The following BICC1 variants were observed in gnomAD, a reference collection of about 807,000 sequenced individuals.
BICC1 encodes the protein protein bicaudal C homolog 1.
In BICC1, 43 loss-of-function variants were observed where a neutral mutation model predicts 111.0. The observed-to-expected ratio is 0.39, with a 90% CI of 0.30 to 0.50. BICC1 has a LOEUF of 0.50. BICC1 is among the 20% of genes least tolerant of loss of function. The probability of loss-of-function intolerance (pLI) is 0.88; values close to 1 mark genes in which losing one functional copy is unlikely to be tolerated. For synonymous variants in BICC1, 467 were observed against 434.4 expected (o/e 1.07, Z -0.93); for missense variants, 1,091 against 1,203.2 (o/e 0.91, Z 1.38).
At chr10:58,744,958 A>G (rs1841786839) in intron 3 of BICC1, among the ~76,000 whole-genome samples, 1 of 152,180 alleles carries the variant, frequency 6.6e-6, no homozygotes, top group Non-Finnish European at 1.5e-5. Context: ...GAGAGTTCTT[A>G]TAAGAGTGTT....
chr10:58,780,892 T>TAG (rs1195077081), intron 3 of BICC1, among the ~76,000 whole-genome samples: 1 of 152,216 alleles, frequency 6.6e-6, no homozygotes, highest in Non-Finnish European at 1.5e-5. Flanking sequence ...CGGGTGTCCT[T>TAG]ACGACAATTG....
chr10:58,522,279 C>T (rs1441297737), intron 1 of BICC1, among the ~76,000 whole-genome samples: 1 of 151,838 alleles, frequency 6.6e-6, no homozygotes, highest in Non-Finnish European at 1.5e-5. Flanking sequence ...TTTAAAAACA[C>T]ACTTTTCATT....
chr10:58,519,086 A>T (rs887140436), intron 1 of BICC1, among the ~76,000 whole-genome samples: 1 of 152,194 alleles, frequency 6.6e-6, no homozygotes, highest in Non-Finnish European at 1.5e-5. Flanking sequence ...GGGGCTAAGC[A>T]GTCCAGGCTC....
intron 1 of BICC1, among the ~76,000 whole-genome samples, chr10:58,593,115 A>G (rs1022337964): frequency 2.0e-5 from 3 of 151,940 alleles, no homozygotes; most frequent in Admixed American, 6.6e-5. Flanking sequence ...CTCACAGTGT[A>G]AAAAAAGCCA....
At chr10:58,828,730 G>A (rs1238437143) in intron 20 of BICC1, 31 bp from the exon 21 acceptor site, 7 of 1,608,032 alleles carry the variant, frequency 4.4e-6, no homozygotes, top group Non-Finnish European at 5.1e-6. Flanking sequence ...CTTCTCTTGA[G>A]CTCCTAACAA....
chr10:58,550,453 T>A (rs2131912145), intron 1 of BICC1, among the ~76,000 whole-genome samples: 1 of 152,364 alleles, frequency 6.6e-6, no homozygotes, highest in East Asian at 1.9e-4. Flanking sequence ...GTCCAATTTA[T>A]CTATCTTCTT....
chr10:58,639,308 C>T (rs1408231670), intron 2 of BICC1, among the ~76,000 whole-genome samples: 1 of 151,906 alleles, frequency 6.6e-6, no homozygotes, highest in Non-Finnish European at 1.5e-5. Flanking sequence ...TTATGTAGCA[C>T]TTTTATATTT....
rs951761719 is a variant in BICC1 at position 58,830,298 on chromosome 10, A to G, written c.*1407A>G. 2 of 152,186 alleles carry G rather than the reference A, an allele frequency of 1.3e-5. No homozygotes were observed. Among genetic ancestry groups the G allele is most frequent in the Admixed American group, 1.3e-4 (2 of 15,268 alleles). 9.4% of individuals were successfully genotyped at this position (152,186 alleles called of 1,614,324 possible). A position where few individuals can be genotyped will look rare whatever the true frequency, so the allele number is the denominator to read the frequency against. On this transcript the variant is annotated 3_prime_UTR_variant, in exon 21 of 21. Transcript: ENST00000373886. The stretch of plus-strand genomic sequence containing the variant: ...TGTTTTTAATCCATGAAGAAACACT[A>G]AAGTGCCTTTCTTTCTTCAAAGCAA...
intron 17 of BICC1, among the ~76,000 whole-genome samples, chr10:58,808,525 T>C (rs1052404080): frequency 1.2e-4 from 18 of 152,016 alleles, no homozygotes; most frequent in African/African-American, 4.1e-4. Context: ...AAGTTGAAAA[T>C]GATGTTCATT....
At chr10:58,711,534 A>G (rs1840572306) in intron 3 of BICC1, among the ~76,000 whole-genome samples, 2 of 152,190 alleles carry the variant, frequency 1.3e-5, no homozygotes, top group Non-Finnish European at 2.9e-5. Flanking sequence ...ACATCATTTT[A>G]CAGGTGAGAC....
chr10:58,530,608 C>T lies in BICC1; in HGVS notation c.190+17275C>T, dbSNP rs115349152. Among the ~76,000 whole-genome samples, 444 of 149,762 alleles carry T rather than the reference C, an allele frequency of 3.0e-3. 2 individuals carry two copies. Among genetic ancestry groups the T allele is most frequent in the African/African-American group, 0.01 (423 of 40,734 alleles). ...TATGCCGAACTGTTTACTGTAGCCT[C>T]GCTGGAATCAGAGATGAAGGTGAGA... On this transcript the variant is annotated intron_variant, in intron 1 of 20. Coordinates refer to ENST00000373886, the MANE Select transcript of BICC1 (RefSeq NM_001080512.3).
At chr10:58,635,186 T>G (rs1229334989) in intron 2 of BICC1, among the ~76,000 whole-genome samples, 1 of 152,218 alleles carries the variant, frequency 6.6e-6, no homozygotes, top group Non-Finnish European at 1.5e-5. Context: ...ACTATCTTAA[T>G]AAATATATGA....
intron 2 of BICC1, among the ~76,000 whole-genome samples, chr10:58,622,732 C>G (rs1845859417): frequency 6.6e-6 from 1 of 152,180 alleles, no homozygotes; most frequent in Non-Finnish European, 1.5e-5. Context: ...GCTATTTTGA[C>G]TGGACAGAAG....
intron 1 of BICC1, among the ~76,000 whole-genome samples, chr10:58,618,667 G>A (rs1845700228): frequency 6.6e-6 from 1 of 152,150 alleles, no homozygotes; most frequent in South Asian, 2.1e-4. Flanking sequence ...ACAGTGTCTG[G>A]GTGCAGTTCA....
intron 20 of BICC1, 137 bp from the exon 21 acceptor site, chr10:58,828,624 A>C: frequency 1.2e-6 from 1 of 803,090 alleles, no homozygotes; most frequent in South Asian, 1.9e-5. Flanking sequence ...ATCAACTAAA[A>C]GTTTTCCTTT....
intron 3 of BICC1, among the ~76,000 whole-genome samples, chr10:58,719,374 A>G (rs1589058911): frequency 6.6e-6 from 1 of 151,998 alleles, no homozygotes; most frequent in South Asian, 2.1e-4. Flanking sequence ...CAACTGGCCA[A>G]CTCCTACTCA....
intron 1 of BICC1, among the ~76,000 whole-genome samples, chr10:58,519,639 A>G (rs1842338616): frequency 6.6e-6 from 1 of 152,096 alleles, no homozygotes; most frequent in Non-Finnish European, 1.5e-5. Flanking sequence ...TTCATCAGGC[A>G]GCCCCTGAAC....
At chr10:58,751,516 C>T (rs1482053314) in intron 3 of BICC1, among the ~76,000 whole-genome samples, 3 of 152,012 alleles carry the variant, frequency 2.0e-5, no homozygotes, top group Admixed American at 6.6e-5. Flanking sequence ...AAGTAACGTG[C>T]CCAGTGGGAA....
At chr10:58,589,155 C>T (rs1174347059) in intron 1 of BICC1, among the ~76,000 whole-genome samples, 1 of 152,142 alleles carries the variant, frequency 6.6e-6, no homozygotes, top group Non-Finnish European at 1.5e-5. Flanking sequence ...GTCCTGTGGC[C>T]CACAGAGAGA....
Sources: allele counts gnomAD v4.1 joint callset (sites outside exome capture counted in the v4.1 genomes callset), GRCh38; gene constraint gnomAD v4.1.1; transcripts MANE v1.5; gene names NCBI Gene and HGNC (gene_info 2026-07-23, HGNC 2026-07-21).